EIF2S3: variants seen among roughly 807,000 people sequenced by gnomAD.
EIF2S3 encodes eukaryotic translation initiation factor 2 subunit gamma, also known as eukaryotic translation initiation factor 2 subunit 3.
Under a neutral mutation model 31.7 loss-of-function variants are expected in EIF2S3, and 2 were observed. The observed-to-expected ratio is 0.06, with a 90% confidence interval of 0.03 to 0.20. The LOEUF is 0.20. Among genes scored for constraint, EIF2S3 ranks in the 10% least tolerant of loss-of-function variants. The pLI is 1.00. For missense variants in EIF2S3, 96 were observed against 359.3 expected (o/e 0.27, Z 5.92); for synonymous variants, 120 against 126.7 (o/e 0.95, Z 0.36).
At chrX:24,055,568 TTC>T (rs765698724) in intron 1 of EIF2S3, 45 bp from the exon 2 acceptor site, 32 of 1,168,255 alleles carry the variant, frequency 2.7e-5, no homozygotes, top group Non-Finnish European at 3.7e-5. Flanking sequence ...AAAGGAAAAG[TTC>T]TCATTTGTTT....
chrX:24,074,368 C>T (rs186948793), intron 11 of EIF2S3, among the ~76,000 whole-genome samples: 195 of 112,260 alleles, frequency 1.7e-3, no homozygotes, highest in Non-Finnish European at 2.2e-3. Context: ...GCTAGAGGCA[C>T]ATGATATCTG....
At chrX:24,064,058 C>A (rs1930534597) in intron 6 of EIF2S3, 143 bp from the exon 7 acceptor site, 1 of 478,979 alleles carries the variant, frequency 2.1e-6, no homozygotes, top group Non-Finnish European at 3.1e-6. Context: ...ACAGAATTAT[C>A]CACTTTCCAC....
chrX:24,062,366 G>T, intron 5 of EIF2S3, 50 bp from the exon 6 acceptor site: 1 of 1,151,319 alleles, frequency 8.7e-7, no homozygotes, highest in Non-Finnish European at 1.2e-6. Context: ...GCCTATTCTG[G>T]ATATTTCCAG....
In EIF2S3 at chrX:24,078,302, A is replaced by G. The variant is rs1029663579; in HGVS notation, c.*1517A>G. 5.4e-5 allele frequency among the ~76,000 whole-genome samples: 6 copies of G among 111,311 alleles called. No individual in the cohort carries two copies. The highest frequency in any genetic ancestry group is 2.0e-4 in the African/African-American group (6 of 30,660). On this transcript the variant is annotated 3_prime_UTR_variant, in exon 12 of 12. Coordinates refer to ENST00000253039, the MANE Select transcript of EIF2S3 (RefSeq NM_001415.4). ...CTGCCTTCCAAAGTGCTGGGATTAC[A>G]GGCGTGAGCCACTCTGCCCGGCTTA...
At chrX:24,074,875 T>C (rs1174128493) in intron 11 of EIF2S3, among the ~76,000 whole-genome samples, 2 of 81,006 alleles carry the variant, frequency 2.5e-5, no homozygotes, top group East Asian at 7.0e-4. Flanking sequence ...TTTTTTTTTT[T>C]TTTTTTTTGA....
At position 24,066,071 on chromosome X, in the gene EIF2S3, T is replaced by C. The variant is rs375433120; in HGVS notation, c.846T>C (p.Ser282=). The C allele has an allele frequency of 1.7e-6, 2 of 1,193,689 alleles. No individual in the cohort carries two copies. Among genetic ancestry groups the C allele is most frequent in the African/African-American group, 3.5e-5 (2 of 56,747 alleles). The change falls in exon 8 of 12, where the codon AGT becomes AGC. Residue 282 remains serine (S), a synonymous_variant. Coordinates refer to ENST00000253039, the MANE Select transcript of EIF2S3 (RefSeq NM_001415.4). ...TTAAGGGAGGTGTAGCTGGTGGTAGTATCCTAAAAGGAGTATTAAAGGTAA... is the reference window on the plus strand; with the variant it reads ...TTAAGGGAGGTGTAGCTGGTGGTAGCATCCTAAAAGGAGTATTAAAGGTAA... ...DDLKGGVAGG[S]ILKGVLKVGQ...
chrX:24,055,398 C>T (rs760863836), intron 1 of EIF2S3, among the ~76,000 whole-genome samples: 1 of 111,190 alleles, frequency 9.0e-6, no homozygotes, highest in African/African-American at 3.3e-5. Context: ...CAGATATCCC[C>T]TAATAGTTGA....
At position 24,055,665 on chromosome X, in the gene EIF2S3, C is replaced by T. The variant is rs1367806089; in HGVS notation, c.120C>T (p.Ala40=). The change falls in exon 2 of 12, where the codon GCC becomes GCT. Residue 40 remains alanine, a synonymous_variant. Coordinates refer to ENST00000253039, the MANE Select transcript of EIF2S3 (RefSeq NM_001415.4). ...PLSHEVISRQ[A]TINIGTIGHV... is the part of the protein sequence containing the mutation. ...CACACGAAGTTATCAGCAGACAAGC[C>T]ACAATTAACATAGGTAAGAGTAACT... 2 of 1,211,025 alleles carry T rather than the reference C, an allele frequency of 1.7e-6. No individual in the cohort carries two copies.
At chrX:24,070,155 G>A (rs1222279308) in intron 9 of EIF2S3, among the ~76,000 whole-genome samples, 1 of 104,968 alleles carries the variant, frequency 9.5e-6, no homozygotes, top group Non-Finnish European at 1.9e-5. Flanking sequence ...ATCACCTGAG[G>A]TCAGGAGTTC....
chrX:24,066,794 G>A (rs993619351), intron 8 of EIF2S3, among the ~76,000 whole-genome samples: 3 of 112,097 alleles, frequency 2.7e-5, no homozygotes, highest in Non-Finnish European at 5.6e-5. Context: ...GATTATAGGC[G>A]TGAGCCACTT....
intron 8 of EIF2S3, 51 bp downstream of exon 8, chrX:24,066,143 T>G: frequency 1.1e-6 from 1 of 898,476 alleles, no homozygotes. Flanking sequence ...TTTTGTTGTT[T>G]GTTTGTTTGT....
intron 9 of EIF2S3, among the ~76,000 whole-genome samples, chrX:24,069,690 T>TC (rs1221885417): frequency 3.3e-5 from 3 of 91,093 alleles, no homozygotes; most frequent in African/African-American, 1.2e-4. Flanking sequence ...TAATTTCTTT[T>TC]TTTTTTTTTT....
intron 1 of EIF2S3, 87 bp downstream of exon 1, chrX:24,055,124 G>GGGAGCATGGGTCA: frequency 9.6e-7 from 1 of 1,043,846 alleles, no homozygotes; most frequent in Non-Finnish European, 1.3e-6. Context: ...AGTCAGTGTC[G>GGGAGCATGGGTCA]GGAGCATGGG....
chrX:24,062,376 G>A, intron 5 of EIF2S3, 40 bp from the exon 6 acceptor site: 2 of 1,163,526 alleles, frequency 1.7e-6, no homozygotes, highest in African/African-American at 1.8e-5. Flanking sequence ...GATATTTCCA[G>A]CTATTCTTAT....
intron 4 of EIF2S3, 124 bp downstream of exon 4, chrX:24,057,878 T>C: frequency 1.2e-6 from 1 of 829,964 alleles, no homozygotes; most frequent in East Asian, 3.5e-5. Flanking sequence ...GTTTTTCCAT[T>C]GTTTATGTTT....
At chrX:24,060,372 G>A (rs1015913441) in intron 5 of EIF2S3, 190 bp downstream of exon 5, 1 of 394,394 alleles carries the variant, frequency 2.5e-6, no homozygotes, top group African/African-American at 2.5e-5. Context: ...GATAGACTTG[G>A]GGCTGATAGC....
At chrX:24,071,049 T>G (rs1441705476) in intron 9 of EIF2S3, among the ~76,000 whole-genome samples, 1 of 111,784 alleles carries the variant, frequency 8.9e-6, no homozygotes, top group African/African-American at 3.2e-5. Context: ...ATTTGCCCAG[T>G]CATCTCATGA....
intron 6 of EIF2S3, among the ~76,000 whole-genome samples, chrX:24,063,361 A>G (rs1267255067): frequency 8.9e-6 from 1 of 112,375 alleles, no homozygotes; most frequent in African/African-American, 3.2e-5. Flanking sequence ...TTTTCTTTTT[A>G]GAAAGGTTAA....
chrX:24,075,362 C>CA (rs778577233), intron 11 of EIF2S3, among the ~76,000 whole-genome samples: 1 of 110,693 alleles, frequency 9.0e-6, no homozygotes, highest in African/African-American at 3.3e-5. Flanking sequence ...GAAGCATACA[C>CA]ACATTTTTGG....
Sources: gnomAD v4.1 joint callset for allele counts (sites outside exome capture counted in the v4.1 genomes callset) on GRCh38, gnomAD v4.1.1 for gene constraint, MANE v1.5 for transcripts, NCBI Gene and HGNC (gene_info 2026-07-23, HGNC 2026-07-21) for gene names.